The following SLC8A3 variants were observed in gnomAD, a reference collection of about 807,000 sequenced individuals.
The protein encoded by SLC8A3 is sodium/calcium exchanger 3.
In SLC8A3, 37 loss-of-function variants were observed where a neutral mutation model predicts 65.4. The observed-to-expected ratio is 0.57, with a 90% CI of 0.44 to 0.74. The LOEUF (loss-of-function observed/expected upper bound fraction) is 0.74, where lower values mean the gene tolerates loss of function less well. Ranked by LOEUF, SLC8A3 falls within the 30% of genes least tolerant of loss-of-function variation. The pLI is 0.00. For synonymous variants in SLC8A3, 461 were observed against 444.5 expected, an observed-to-expected ratio of 1.04 and a Z score of -0.47; for missense variants, 1,112 against 1,172.1, an observed-to-expected ratio of 0.95 and a Z score of 0.75.
chr14:70,137,451 T>C (rs896356502), intron 2 of SLC8A3, among the ~76,000 whole-genome samples: 1 of 152,170 alleles, frequency 6.6e-6, no homozygotes, highest in Non-Finnish European at 1.5e-5. Context: ...CCTATCAAAT[T>C]TTTATAAGCA....
chr14:70,150,951 G>A (rs1423413965), intron 2 of SLC8A3, among the ~76,000 whole-genome samples: 1 of 152,120 alleles, frequency 6.6e-6, no homozygotes, highest in Admixed American at 6.6e-5. Context: ...GGAACTTCTG[G>A]GCAGTTGTTT....
At chr14:70,056,767 T>C (rs74688163) in intron 3 of SLC8A3, among the ~76,000 whole-genome samples, 2,156 of 152,312 alleles carry the variant, frequency 0.014, 33 homozygotes, top group African/African-American at 0.037. Flanking sequence ...AGATGAGAGA[T>C]GACAAATGCA....
At chr14:70,169,859 C>T (rs1566829718) in intron 1 of SLC8A3, among the ~76,000 whole-genome samples, 1 of 152,114 alleles carries the variant, frequency 6.6e-6, no homozygotes, top group Non-Finnish European at 1.5e-5. Flanking sequence ...CATCTTCAGC[C>T]ACCCAGTTAC....
intron 1 of SLC8A3, among the ~76,000 whole-genome samples, chr14:70,180,850 G>T (rs1882689256): frequency 6.6e-6 from 1 of 152,156 alleles, no homozygotes; most frequent in Non-Finnish European, 1.5e-5. Flanking sequence ...TGCCAACCTG[G>T]GGCCCTTGAG....
chr14:70,064,045 G>C (rs1301572568), intron 2 of SLC8A3: 1 of 634,674 alleles, frequency 1.6e-6, no homozygotes, highest in Admixed American at 2.5e-5. Context: ...ATCCAAGTTT[G>C]CCCCAACACC....
At chr14:70,085,379 G>A (rs957650346) in intron 2 of SLC8A3, among the ~76,000 whole-genome samples, 4 of 152,040 alleles carry the variant, frequency 2.6e-5, no homozygotes, top group African/African-American at 9.7e-5. Context: ...ATTCTCCTTG[G>A]ACTGTACTGG....
rs1360595229 is a variant in SLC8A3 at position 70,050,996 on chromosome 14, GA to G, written c.2113+11del. ...GCTTCTCCCAGCAAGGCCAGCCTGA[GA>G]CACTTCTCACCTGCACTGACGGTGA... is the stretch of plus-strand genomic sequence containing the variant. On this transcript the variant is annotated intron_variant, in intron 5 of 6. Coordinates refer to ENST00000356921, the MANE Select transcript of SLC8A3 (RefSeq NM_182932.3). The G allele has an allele frequency of 6.3e-7, 1 of 1,584,948 alleles. No homozygotes were observed. The highest frequency in any genetic ancestry group is 8.7e-7 in the Non-Finnish European group (1 of 1,153,666).
At chr14:70,074,765 G>T (rs1406322262) in intron 2 of SLC8A3, among the ~76,000 whole-genome samples, 1 of 152,162 alleles carries the variant, frequency 6.6e-6, no homozygotes, top group Non-Finnish European at 1.5e-5. Context: ...TTAATGCAAT[G>T]ATTTTTAAAA....
chr14:70,068,769 C>T (rs1308571323), intron 2 of SLC8A3, among the ~76,000 whole-genome samples: 1 of 151,870 alleles, frequency 6.6e-6, no homozygotes, highest in African/African-American at 2.4e-5. Flanking sequence ...CACTCTGTCT[C>T]CAGGCTAGAT....
intron 2 of SLC8A3, among the ~76,000 whole-genome samples, chr14:70,118,043 G>A: frequency 6.6e-6 from 1 of 152,202 alleles, no homozygotes; most frequent in Admixed American, 6.5e-5. Context: ...ACAGGGATCT[G>A]TGAGTATAAA....
intron 2 of SLC8A3, among the ~76,000 whole-genome samples, chr14:70,069,809 A>G (rs2139903871): frequency 6.6e-6 from 1 of 152,310 alleles, no homozygotes; most frequent in Middle Eastern, 3.4e-3. Flanking sequence ...TCGTCCCTGA[A>G]AGCGGTGCTT....
chr14:70,075,551 G>A (rs1201529730), intron 2 of SLC8A3, among the ~76,000 whole-genome samples: 4 of 152,022 alleles, frequency 2.6e-5, no homozygotes, highest in African/African-American at 9.7e-5. Flanking sequence ...TGAGTGGCCC[G>A]CGCTTATTTG....
intron 2 of SLC8A3, among the ~76,000 whole-genome samples, chr14:70,161,531 A>G (rs1451706417): frequency 1.3e-5 from 2 of 152,104 alleles, no homozygotes; most frequent in Non-Finnish European, 2.9e-5. Flanking sequence ...CTGTCTACCT[A>G]AAGAGAAGGA....
At chr14:70,172,713 C>G (rs2140399826) in intron 1 of SLC8A3, among the ~76,000 whole-genome samples, 1 of 151,690 alleles carries the variant, frequency 6.6e-6, no homozygotes, top group East Asian at 1.9e-4. Context: ...ACCGCGTTTG[C>G]CCTCAAAGGT....
chr14:70,086,799 T>C (rs145711119), intron 2 of SLC8A3, among the ~76,000 whole-genome samples: 2 of 152,178 alleles, frequency 1.3e-5, no homozygotes, highest in Non-Finnish European at 2.9e-5. Context: ...TCAAGAACAA[T>C]AGGACAAGTA....
intron 2 of SLC8A3, among the ~76,000 whole-genome samples, chr14:70,106,832 T>C (rs1045195652): frequency 1.3e-5 from 2 of 152,182 alleles, no homozygotes; most frequent in African/African-American, 4.8e-5. Flanking sequence ...ATGGATGCTA[T>C]GTTACTTGGC....
chr14:70,091,600 C>T (rs1013221546), intron 2 of SLC8A3, among the ~76,000 whole-genome samples: 30 of 152,244 alleles, frequency 2.0e-4, no homozygotes, highest in Admixed American at 1.5e-3. Flanking sequence ...TATCTGGTGT[C>T]GGAGCCACGC....
At chr14:70,071,693 C>CA (rs1403555805) in intron 2 of SLC8A3, among the ~76,000 whole-genome samples, 1 of 152,226 alleles carries the variant, frequency 6.6e-6, no homozygotes, top group East Asian at 1.9e-4. Flanking sequence ...AGAACCCAGT[C>CA]AAGCCTGCCT....
At chr14:70,115,360 C>T (rs982931710) in intron 2 of SLC8A3, among the ~76,000 whole-genome samples, 14 of 152,184 alleles carry the variant, frequency 9.2e-5, no homozygotes, top group African/African-American at 3.1e-4. Flanking sequence ...AAGATGATTC[C>T]GGAGAGCAGC....
Sources: gnomAD v4.1 joint callset for allele counts (sites outside exome capture counted in the v4.1 genomes callset) on GRCh38, gnomAD v4.1.1 for gene constraint, MANE v1.5 for transcripts, NCBI Gene and HGNC (gene_info 2026-07-23, HGNC 2026-07-21) for gene names.